Variants in WDR26 observed in about 807,000 individuals in gnomAD.
WDR26 encodes WD repeat domain 26.
In WDR26, 5 loss-of-function variants were observed where a neutral mutation model predicts 84.1. The observed-to-expected ratio is 0.06, with a 90% CI of 0.03 to 0.13. WDR26 has a LOEUF of 0.13. Ranked by LOEUF, WDR26 falls within the 10% of genes least tolerant of loss-of-function variation. The pLI, the probability that WDR26 is intolerant of heterozygous loss-of-function variation, is 1.00. For synonymous variants in WDR26, 415 were observed against 389.6 expected (o/e 1.07, Z -0.77); for missense variants, 642 against 974.9 (o/e 0.66, Z 4.55).
chr1:224,393,307 GC>G (rs1228595472), intron 13 of WDR26, among the ~76,000 whole-genome samples: 7 of 152,174 alleles, frequency 4.6e-5, no homozygotes, highest in Non-Finnish European at 1.0e-4. Flanking sequence ...TTAGCATGCT[GC>G]TTGGCACACA....
intron 8 of WDR26, among the ~76,000 whole-genome samples, chr1:224,402,747 T>C (rs1673452027): frequency 6.6e-6 from 1 of 152,188 alleles, no homozygotes; most frequent in Non-Finnish European, 1.5e-5. Flanking sequence ...AAGCTCTGTT[T>C]TACTGAGAGA....
intron 1 of WDR26, among the ~76,000 whole-genome samples, chr1:224,432,697 T>C (rs1341909006): frequency 6.6e-6 from 1 of 152,196 alleles, no homozygotes; most frequent in Admixed American, 6.5e-5. Context: ...AATCCATAAA[T>C]GCAAAAGTAC....
intron 1 of WDR26, among the ~76,000 whole-genome samples, 151 bp from the exon 2 acceptor site, chr1:224,431,932 C>G (rs1023895185): frequency 1.3e-5 from 2 of 152,200 alleles, no homozygotes; most frequent in Admixed American, 6.5e-5. Flanking sequence ...GTTAAACAAA[C>G]TTTATTTAAA....
rs188157880 is a variant in WDR26 at position 224,394,380 on chromosome 1, C to T, written c.2075-367G>A. Among the ~76,000 whole-genome samples, 490 of 152,252 alleles carry T rather than the reference C, an allele frequency of 3.2e-3. 1 individual carries two copies. Among genetic ancestry groups the T allele is most frequent in the Non-Finnish European group, 5.7e-3 (389 of 68,020 alleles). On this transcript the variant is annotated intron_variant, in intron 12 of 13. Transcript: ENST00000414423. The stretch of plus-strand genomic sequence containing the variant: ...AAAAGCAATGTATCCAAATTGAATA[C>T]TGAAGCAAAAATGAAGATGACAGCT...
In WDR26 at chr1:224,388,739, A is replaced by G. The variant is rs888624075; in HGVS notation, c.*1096T>C. On this transcript the variant is annotated 3_prime_UTR_variant, in exon 14 of 14. Transcript: ENST00000414423. ...CTGCTGAATTCTTCTAATAATTTCA[A>G]TTATACTATAAACTTCCAAAGTGGT... The G allele has an allele frequency of 8.5e-5, 13 of 152,622 alleles. No homozygotes were observed. Among genetic ancestry groups the G allele is most frequent in the Non-Finnish European group, 1.5e-5 (1 of 68,030 alleles). The allele number at this position is 152,622 out of a possible 1,614,324, so 9.5% of individuals were successfully genotyped here. A position where few individuals can be genotyped will look rare whatever the true frequency, so the allele number is the denominator to read the frequency against.
intron 6 of WDR26, among the ~76,000 whole-genome samples, chr1:224,412,047 G>A (rs1296746663): frequency 6.6e-6 from 1 of 152,114 alleles, no homozygotes; most frequent in Non-Finnish European, 1.5e-5. Flanking sequence ...TCCAGATAAT[G>A]AGTTTAGGTC....
Position 224,411,698 on chromosome 1 carries a change from G to C in WDR26, c.1320-133C>G, listed in dbSNP as rs547907167. 4.0e-5 allele frequency: 38 copies of C among 949,846 alleles called. No individual in the cohort carries two copies. In the Admixed American group the frequency reaches 1.0e-3, roughly 26 times the overall value. 58.8% of individuals were successfully genotyped at this position (949,846 alleles called of 1,614,324 possible). Reference sequence around the variant, plus strand: ...TTAAAAATAAGAAGTGAATGCATTTGTAAATCTTTTTTTTTTTTTTGAGAC... The same window carrying C: ...TTAAAAATAAGAAGTGAATGCATTTCTAAATCTTTTTTTTTTTTTTGAGAC... On this transcript the variant is annotated intron_variant, in intron 6 of 13. Transcript: ENST00000414423.
intron 8 of WDR26, among the ~76,000 whole-genome samples, chr1:224,401,708 A>AG (rs1553354189): frequency 4.1e-5 from 6 of 145,152 alleles, no homozygotes; most frequent in African/African-American, 1.0e-4. Context: ...AAAAGAAAAA[A>AG]GAAAAAAAAA....
chr1:224,396,888 CAAAAAAAGAA>C (rs869146310), intron 12 of WDR26, among the ~76,000 whole-genome samples: 1 of 52,374 alleles, frequency 1.9e-5, no homozygotes, highest in Non-Finnish European at 3.6e-5. Context: ...CCATTGCACT[CAAAAAAAGAA>C]AAGAAAAGAA....
chr1:224,401,316 C>G (rs935901589), intron 8 of WDR26, among the ~76,000 whole-genome samples: 21 of 152,098 alleles, frequency 1.4e-4, no homozygotes, highest in African/African-American at 5.1e-4. Flanking sequence ...ATGAGATAAA[C>G]TTCAATAAAT....
chr1:224,426,225 T>C (rs1393772188), intron 3 of WDR26, among the ~76,000 whole-genome samples: 1 of 152,158 alleles, frequency 6.6e-6, no homozygotes, highest in Non-Finnish European at 1.5e-5. Flanking sequence ...GAAATTACCA[T>C]TTATTTGCAG....
chr1:224,430,070 CT>C (rs1674341167), intron 3 of WDR26: 1 of 152,142 alleles, frequency 6.6e-6, no homozygotes, highest in Non-Finnish European at 1.5e-5. Context: ...GGCCATCTAA[CT>C]GTTTTTATTT....
intron 7 of WDR26, among the ~76,000 whole-genome samples, chr1:224,405,386 T>C (rs1673523803): frequency 6.6e-6 from 1 of 152,234 alleles, no homozygotes; most frequent in Non-Finnish European, 1.5e-5. Context: ...GTTATGAATA[T>C]GTATGAGTTT....
chr1:224,409,017 G>A (rs540038825), intron 7 of WDR26, among the ~76,000 whole-genome samples: 78 of 152,150 alleles, frequency 5.1e-4, no homozygotes, highest in African/African-American at 1.8e-3. Flanking sequence ...TAACAAGGTA[G>A]TATTAGGCAG....
Position 224,434,519 on chromosome 1 carries a change from G to C in WDR26, c.-114C>G. On this transcript the variant is annotated 5_prime_UTR_variant, in exon 1 of 14. Coordinates refer to ENST00000414423, the MANE Select transcript of WDR26 (RefSeq NM_001379403.1). ...GGTCAGGGTAGGAGGGTGAGGGTGA[G>C]GGTGAGAGGAGGGGGAGGAGGAGGA... 1 of 406,708 alleles carries C rather than the reference G, an allele frequency of 2.5e-6. No individual in the cohort carries two copies. Among genetic ancestry groups the C allele is most frequent in the Non-Finnish European group, 3.2e-6 (1 of 309,940 alleles). 25.2% of individuals were successfully genotyped at this position (406,708 alleles called of 1,614,324 possible).
chr1:224,430,309 CAGT>C (rs1337499044), intron 3 of WDR26: 1 of 151,992 alleles, frequency 6.6e-6, no homozygotes, highest in African/African-American at 2.4e-5. Context: ...TCTTAGTCAA[CAGT>C]AGTTTAAAAT....
chr1:224,403,198 G>A (rs999121266), intron 8 of WDR26, among the ~76,000 whole-genome samples: 1 of 151,850 alleles, frequency 6.6e-6, no homozygotes, highest in Non-Finnish European at 1.5e-5. Context: ...GATTACAGGC[G>A]CCTGCCACTG....
At chr1:224,429,650 C>T (rs530151971) in intron 3 of WDR26, 9 of 152,200 alleles carry the variant, frequency 5.9e-5, no homozygotes, top group Non-Finnish European at 1.2e-4. Flanking sequence ...TTTATAAATA[C>T]CTAAACAGTT....
chr1:224,408,605 C>T lies in WDR26; in HGVS notation c.1458+2822G>A, dbSNP rs150090239. Among the ~76,000 whole-genome samples the T allele has an allele frequency of 6.6e-5, 10 of 150,858 alleles. No individual in the cohort carries two copies. The East Asian group carries it at 1.6e-3, about 24-fold the overall frequency. ...TCCCAAACTCTTTTTCTAGTCTAAT[C>T]TCCCACTCTGCCATTACTCATCCCA... On this transcript the variant is annotated intron_variant, in intron 7 of 13. Coordinates refer to ENST00000414423, the MANE Select transcript of WDR26 (RefSeq NM_001379403.1).
Sources: gnomAD v4.1 joint callset for allele counts (sites outside exome capture counted in the v4.1 genomes callset) on GRCh38, gnomAD v4.1.1 for gene constraint, MANE v1.5 for transcripts, NCBI Gene and HGNC (gene_info 2026-07-23, HGNC 2026-07-21) for gene names.